The following OXR1 variants were observed in gnomAD, a reference collection of about 807,000 sequenced individuals.
The protein encoded by OXR1 is oxidation resistance protein 1.
In OXR1, 41 loss-of-function variants were observed where a neutral mutation model predicts 104.6. The observed-to-expected ratio is 0.39, with a 90% confidence interval of 0.31 to 0.51. The LOEUF (loss-of-function observed/expected upper bound fraction) is 0.51. Among genes scored for constraint, OXR1 ranks in the 20% least tolerant of loss-of-function variants. OXR1 has a pLI of 0.77. For missense variants in OXR1, 955 were observed against 1,031.9 expected, an observed-to-expected ratio of 0.93 and a Z score of 1.02; for synonymous variants, 348 against 348.4, an observed-to-expected ratio of 1.00 and a Z score of 0.01.
intron 2 of OXR1, among the ~76,000 whole-genome samples, chr8:106,471,798 C>CT (rs1037869260): frequency 6.6e-6 from 1 of 151,548 alleles, no homozygotes; most frequent in Non-Finnish European, 1.5e-5. Context: ...ACGCTACGTG[C>CT]TTTTTTTTGG....
intron 2 of OXR1, among the ~76,000 whole-genome samples, chr8:106,475,417 G>T (rs1821747533): frequency 1.3e-5 from 2 of 151,922 alleles, no homozygotes; most frequent in South Asian, 4.1e-4. Context: ...GGCTGAGGAG[G>T]AGGAGGAAGA....
intron 11 of OXR1, among the ~76,000 whole-genome samples, chr8:106,723,333 TATAAA>T (rs1022858513): frequency 7.9e-5 from 12 of 151,850 alleles, no homozygotes; most frequent in Non-Finnish European, 1.8e-4. Flanking sequence ...CTACTAAAAA[TATAAA>T]ATAAAATACA....
chr8:106,715,578 G>A (rs1314020614), intron 11 of OXR1, among the ~76,000 whole-genome samples: 1 of 151,894 alleles, frequency 6.6e-6, no homozygotes, highest in Non-Finnish European at 1.5e-5. Context: ...AGAGTGGAAG[G>A]TGATGAAATA....
At chr8:106,683,044 A>C (rs954400495) in intron 4 of OXR1, among the ~76,000 whole-genome samples, 155 bp from the exon 5 acceptor site, 11 of 152,210 alleles carry the variant, frequency 7.2e-5, no homozygotes, top group African/African-American at 2.2e-4. Context: ...TTTGCTAACA[A>C]AACACAGTGT....
intron 1 of OXR1, among the ~76,000 whole-genome samples, chr8:106,278,522 T>TA (rs961304369): frequency 4.0e-4 from 59 of 149,304 alleles, no homozygotes; most frequent in Admixed American, 1.0e-3. Context: ...AAATGTATAT[T>TA]AAAAAAAAAA....
chr8:106,603,855 C>A (rs1376667443), intron 3 of OXR1, among the ~76,000 whole-genome samples: 3 of 151,972 alleles, frequency 2.0e-5, no homozygotes, highest in Non-Finnish European at 2.9e-5. Flanking sequence ...CAGTTCAAGA[C>A]CAGCCTAGCC....
At chr8:106,694,703 AT>A (rs1438735635) in intron 7 of OXR1, among the ~76,000 whole-genome samples, 9 of 109,116 alleles carry the variant, frequency 8.2e-5, no homozygotes, top group East Asian at 5.4e-4. Context: ...ATGTTTATAT[AT>A]TTAATATATA....
In OXR1 at chr8:106,590,554, G is replaced by A. The variant is rs560266873; in HGVS notation, c.220+71415G>A. On this transcript the variant is annotated intron_variant, in intron 3 of 16. Transcript: ENST00000517566. ...GCCCGCCTTGGCTTCCCAAAGTGCT[G>A]GGATTACAGGCATGAGCCACCGTGC... Among the ~76,000 whole-genome samples, 3 of 152,298 alleles carry A rather than the reference G, an allele frequency of 2.0e-5. No individual in the cohort carries two copies. In the East Asian group the frequency reaches 5.8e-4, roughly 29 times the overall value.
chr8:106,474,052 CA>C (rs1434677533), intron 2 of OXR1, among the ~76,000 whole-genome samples: 2 of 140,816 alleles, frequency 1.4e-5, no homozygotes, highest in African/African-American at 2.7e-5. Flanking sequence ...CACACACACA[CA>C]CAGTATTTCA....
chr8:106,677,841 T>A (rs1302582551), intron 3 of OXR1, among the ~76,000 whole-genome samples: 2 of 152,100 alleles, frequency 1.3e-5, no homozygotes, highest in Non-Finnish European at 2.9e-5. Context: ...CTACTTTTCT[T>A]TATGGAAAAT....
At chr8:106,536,088 C>T (rs1028598973) in intron 3 of OXR1, among the ~76,000 whole-genome samples, 5 of 151,750 alleles carry the variant, frequency 3.3e-5, no homozygotes, top group African/African-American at 1.2e-4. Flanking sequence ...GGCGTGGTGG[C>T]GGGCGCCTGT....
intron 3 of OXR1, among the ~76,000 whole-genome samples, chr8:106,672,322 G>GA (rs56755421): frequency 0.31 from 41,900 of 136,550 alleles, 7,743 homozygotes; most frequent in African/African-American, 0.54. Flanking sequence ...TACTAAAAAT[G>GA]AAAAAAAAAA....
At chr8:106,447,961 C>G (rs868481517) in intron 2 of OXR1, 3 of 1,535,328 alleles carry the variant, frequency 2.0e-6, no homozygotes, top group Middle Eastern at 1.7e-4. Context: ...GGTAACAGAA[C>G]TCTGATCAGA....
At chr8:106,436,921 A>T (rs17254225) in intron 2 of OXR1, among the ~76,000 whole-genome samples, 9,890 of 152,174 alleles carry the variant, frequency 0.065, 461 homozygotes, top group Non-Finnish European at 0.1. Context: ...TGCAACTCAA[A>T]CCCCAAAAGA....
Position 106,751,760 on chromosome 8 carries a change from A to G in OXR1, c.*819A>G, listed in dbSNP as rs1239533091. 1.3e-5 allele frequency: 2 copies of G among 152,528 alleles called. No homozygotes were observed. The highest frequency in any genetic ancestry group is 2.9e-5 in the Non-Finnish European group (2 of 67,956). The allele number at this position is 152,528 out of a possible 1,614,324, so 9.4% of individuals were successfully genotyped here. On this transcript the variant is annotated 3_prime_UTR_variant, in exon 17 of 17. Coordinates refer to ENST00000517566, the MANE Select transcript of OXR1 (RefSeq NM_001198533.2). ...CATAAGTACAAAAACTATGAAACAG[A>G]TGCATATTTCCTCAACATACTGTGT...
At chr8:106,490,255 A>G (rs1012891884) in intron 2 of OXR1, among the ~76,000 whole-genome samples, 2 of 152,192 alleles carry the variant, frequency 1.3e-5, no homozygotes, top group Admixed American at 6.5e-5. Flanking sequence ...GTGCAGGAAT[A>G]TGGTCAGTGT....
At chr8:106,325,665 C>T in intron 1 of OXR1, among the ~76,000 whole-genome samples, 1 of 152,146 alleles carries the variant, frequency 6.6e-6, no homozygotes, top group Non-Finnish European at 1.5e-5. Flanking sequence ...TTGAGTCACC[C>T]TGAAATTTGC....
At chr8:106,397,380 G>A (rs1292364204) in intron 2 of OXR1, among the ~76,000 whole-genome samples, 2 of 151,988 alleles carry the variant, frequency 1.3e-5, no homozygotes, top group Non-Finnish European at 2.9e-5. Context: ...TGGGTCGGAA[G>A]GAGCCTTACT....
rs934209002 is a variant in OXR1, at chr8:106,382,696, T to G, written c.23+23060T>G. Among the ~76,000 whole-genome samples, 12 of 146,388 alleles carry G rather than the reference T, an allele frequency of 8.2e-5. No homozygotes were observed. In the South Asian group the frequency reaches 2.1e-3, roughly 26 times the overall value. On this transcript the variant is annotated intron_variant, in intron 2 of 16. Coordinates refer to ENST00000517566, the MANE Select transcript of OXR1 (RefSeq NM_001198533.2). ...GAGAACTATAGGTTTTTTTTTTTTT[T>G]TTTTTTTTTTTTAAGGAGAGAGAGA...
Sources: allele counts gnomAD v4.1 joint callset (sites outside exome capture counted in the v4.1 genomes callset), GRCh38; gene constraint gnomAD v4.1.1; transcripts MANE v1.5; gene names NCBI Gene and HGNC (gene_info 2026-07-23, HGNC 2026-07-21).